Variants in VWA8 observed in about 807,000 individuals in gnomAD.
VWA8 encodes von Willebrand factor A domain-containing protein 8.
A neutral mutation model predicts 241.5 loss-of-function variants in VWA8; 221 were observed. That is an observed-to-expected ratio of 0.91 (90% CI 0.82 to 1.02). The LOEUF (loss-of-function observed/expected upper bound fraction) is 1.02. Ranked by LOEUF, VWA8 falls within the 50% of genes least tolerant of loss-of-function variation. VWA8 has a pLI of 0.00. For missense variants in VWA8, 2,322 were observed against 2,328.7 expected, an observed-to-expected ratio of 1.00 and a Z score of 0.06; for synonymous variants, 852 against 827.1, an observed-to-expected ratio of 1.03 and a Z score of -0.52.
At chr13:41,780,905 T>C (rs189787561) in intron 19 of VWA8, among the ~76,000 whole-genome samples, 2 of 152,308 alleles carry the variant, frequency 1.3e-5, no homozygotes, top group Non-Finnish European at 1.5e-5. Context: ...TTGTGCTCCC[T>C]GAGAAAGAAT....
Position 41,900,511 on chromosome 13 carries a change from A to C in VWA8, c.483+7075T>G, listed in dbSNP as rs1024754520. 2.0e-5 allele frequency among the ~76,000 whole-genome samples: 3 copies of C among 152,338 alleles called. No individual in the cohort carries two copies. In the South Asian group the frequency reaches 6.2e-4, roughly 32 times the overall value. On this transcript the variant is annotated intron_variant, in intron 4 of 44. Transcript: ENST00000379310. ...ATGGACATGAAAGATTTCAAGATAA[A>C]AGTAGGTGTGTGACCTAAAATCAAA... is the stretch of plus-strand genomic sequence containing the variant.
At chr13:41,740,657 C>G (rs2045563078) in intron 21 of VWA8, among the ~76,000 whole-genome samples, 1 of 152,200 alleles carries the variant, frequency 6.6e-6, no homozygotes, top group Admixed American at 6.5e-5. Context: ...GTATGTGCAG[C>G]ATTTTCTGAC....
At chr13:41,592,485 A>G (rs1413340654) in intron 40 of VWA8, among the ~76,000 whole-genome samples, 2 of 151,374 alleles carry the variant, frequency 1.3e-5, no homozygotes, top group African/African-American at 2.4e-5. Context: ...AAAATAAAAT[A>G]AAATAAAATA....
intron 43 of VWA8, among the ~76,000 whole-genome samples, chr13:41,574,862 G>T (rs1262322185): frequency 2.0e-5 from 3 of 152,106 alleles, no homozygotes; most frequent in Admixed American, 1.3e-4. Context: ...AGTCCTTAAA[G>T]AACTAAAGTA....
chr13:41,595,868 A>T (rs2044484792), intron 40 of VWA8, among the ~76,000 whole-genome samples: 1 of 152,156 alleles, frequency 6.6e-6, no homozygotes, highest in African/African-American at 2.4e-5. Context: ...GTCACAGAGT[A>T]TGGATATGTT....
intron 36 of VWA8, among the ~76,000 whole-genome samples, chr13:41,674,592 A>C (rs1473452037): frequency 6.6e-6 from 1 of 152,200 alleles, no homozygotes; most frequent in Non-Finnish European, 1.5e-5. Context: ...ATGCACCCAG[A>C]AAGGGACGGG....
At chr13:41,594,884 A>T (rs1287952517) in intron 40 of VWA8, among the ~76,000 whole-genome samples, 1 of 152,232 alleles carries the variant, frequency 6.6e-6, no homozygotes, top group African/African-American at 2.4e-5. Context: ...TTCCAATAAG[A>T]TTTACAAAGG....
intron 14 of VWA8, among the ~76,000 whole-genome samples, chr13:41,820,444 C>G (rs1322674585): frequency 6.6e-6 from 1 of 152,124 alleles, no homozygotes; most frequent in Non-Finnish European, 1.5e-5. Context: ...ATACAACAGG[C>G]AGGTCTACCA....
chr13:41,654,541 G>A (rs1472497278), intron 37 of VWA8, among the ~76,000 whole-genome samples: 2 of 152,114 alleles, frequency 1.3e-5, no homozygotes, highest in Admixed American at 6.6e-5. Flanking sequence ...TACATTCCTC[G>A]CATGCACAGT....
intron 2 of VWA8, among the ~76,000 whole-genome samples, chr13:41,942,948 G>A (rs556910460): frequency 2.4e-4 from 37 of 152,296 alleles, no homozygotes; most frequent in African/African-American, 8.4e-4. Flanking sequence ...GTTGCAGCAA[G>A]CAGAATATAA....
At chr13:41,735,589 T>C (rs2045518622) in intron 21 of VWA8, among the ~76,000 whole-genome samples, 1 of 152,124 alleles carries the variant, frequency 6.6e-6, no homozygotes, top group African/African-American at 2.4e-5. Context: ...TCTGCTCTTA[T>C]AATTAGCCCC....
chr13:41,867,408 CAGAGAGTAT>C (rs1169438672), intron 10 of VWA8, among the ~76,000 whole-genome samples: 1 of 152,188 alleles, frequency 6.6e-6, no homozygotes, highest in Non-Finnish European at 1.5e-5. Context: ...CTGAACAAAA[CAGAGAGTAT>C]AGTGGGGAAC....
At chr13:41,960,734 C>A in intron 1 of VWA8, 119 bp downstream of exon 1, 2 of 1,349,178 alleles carry the variant, frequency 1.5e-6, no homozygotes, top group Non-Finnish European at 1.9e-6. Flanking sequence ...TTCAGCTCCC[C>A]GCTCGGCAAA....
intron 17 of VWA8, among the ~76,000 whole-genome samples, chr13:41,806,049 A>G (rs1345445337): frequency 6.6e-6 from 1 of 151,788 alleles, no homozygotes; most frequent in African/African-American, 2.4e-5. Flanking sequence ...TGTGACCACA[A>G]TGGAATAAAA....
chr13:41,571,315 C>CTCTCCCTCCTCCG (rs1566370831), intron 43 of VWA8, among the ~76,000 whole-genome samples: 1 of 105,854 alleles, frequency 9.4e-6, no homozygotes, highest in South Asian at 3.6e-4. Context: ...TCCCTCCTCC[C>CTCTCCCTCCTCCG]TCTCCCTCTC....
intron 19 of VWA8, among the ~76,000 whole-genome samples, chr13:41,783,554 C>T (rs556483794): frequency 5.2e-4 from 79 of 151,222 alleles, no homozygotes; most frequent in African/African-American, 1.9e-3. Flanking sequence ...AGAAGAATCG[C>T]TTGAACCTGG....
intron 42 of VWA8, among the ~76,000 whole-genome samples, chr13:41,577,955 T>A (rs1294388884): frequency 6.6e-6 from 1 of 152,218 alleles, no homozygotes; most frequent in East Asian, 1.9e-4. Context: ...TGGTCTTTAG[T>A]AAAACAAGAT....
At chr13:41,918,781 T>C (rs915750606) in intron 2 of VWA8, among the ~76,000 whole-genome samples, 3 of 152,154 alleles carry the variant, frequency 2.0e-5, no homozygotes, top group African/African-American at 4.8e-5. Flanking sequence ...CAAAATAGTA[T>C]ATACAGTACA....
At chr13:41,629,777 G>T (rs1356299775) in intron 37 of VWA8, among the ~76,000 whole-genome samples, 1 of 152,100 alleles carries the variant, frequency 6.6e-6, no homozygotes, top group Non-Finnish European at 1.5e-5. Flanking sequence ...TACCTTTATT[G>T]CACAGGTAGC....
Sources: allele counts gnomAD v4.1 joint callset (sites outside exome capture counted in the v4.1 genomes callset), GRCh38; gene constraint gnomAD v4.1.1; transcripts MANE v1.5; gene names NCBI Gene and HGNC (gene_info 2026-07-23, HGNC 2026-07-21).